Variants in ECRG4 observed in about 807,000 individuals in gnomAD.
ECRG4 encodes augurin.
A neutral mutation model predicts 15.8 loss-of-function variants in ECRG4; 18 were observed. That is an observed-to-expected ratio of 1.14 (90% CI 0.79 to 1.69). The LOEUF is 1.69. Ranked by LOEUF, ECRG4 falls within the 40% of genes most tolerant of loss-of-function variation. The probability of loss-of-function intolerance (pLI) is 0.00; values close to 1 mark genes in which losing one functional copy is unlikely to be tolerated. For missense variants in ECRG4, 200 were observed against 190.9 expected (o/e 1.05, Z -0.28); for synonymous variants, 82 against 73.9 (o/e 1.11, Z -0.56).
Position 106,071,885 on chromosome 2 carries a change from C to G in ECRG4, c.121C>G (p.Arg41Gly), listed in dbSNP as rs761374994. Reference protein sequence around the residue: ...GNKLKLMLQKREAPVPTKTKV... With the variant: ...GNKLKLMLQKGEAPVPTKTKV... ...TAAACTCAAGCTGATGCTTCAAAAA[C>G]GAGAAGGTAAATATACCCCAAATGG... Residue 41 changes from arginine to glycine, a missense_variant, in exon 2 of 4, where the codon CGA becomes GGA. Transcript: ENST00000238044. 5 of 1,612,914 alleles carry G rather than the reference C, an allele frequency of 3.1e-6. No individual in the cohort carries two copies. Among genetic ancestry groups the G allele is most frequent in the Non-Finnish European group, 4.2e-6 (5 of 1,179,158 alleles).
At chr2:106,073,798 G>C (rs1042142780) in intron 2 of ECRG4, 88 bp from the exon 3 acceptor site, 2 of 1,486,738 alleles carry the variant, frequency 1.3e-6, no homozygotes, top group African/African-American at 2.7e-5. Flanking sequence ...ACATGGTGGT[G>C]GGGGATGGGA....
intron 3 of ECRG4, 91 bp downstream of exon 3, chr2:106,074,134 CAGCTTTGCTGTTCATTCCTAGAGTAAG>C: frequency 6.7e-7 from 1 of 1,491,128 alleles, no homozygotes; most frequent in Non-Finnish European, 9.2e-7. Flanking sequence ...GCAGAAAATT[CAGCTTTGCTGTTCATTCCTAGAGTAAG>C]AGCCCCATCA....
rs1676193688 is a variant in ECRG4 at position 106,065,694 on chromosome 2, C to T, written c.-71C>T. 8 of 1,257,394 alleles carry T rather than the reference C, an allele frequency of 6.4e-6. No individual in the cohort carries two copies. Among genetic ancestry groups the T allele is most frequent in the African/African-American group, 3.2e-5 (2 of 63,352 alleles). 77.9% of individuals were successfully genotyped at this position (1,257,394 alleles called of 1,614,324 possible). ...GCCGCGCCTGCCCGCTCGCACCCCT[C>T]TCCCGCGCCCGGTTCTCCCTCGCAG... On this transcript the variant is annotated 5_prime_UTR_variant, in exon 1 of 4. Transcript: ENST00000238044.
chr2:106,076,382 T>C (rs1272287049), intron 3 of ECRG4, among the ~76,000 whole-genome samples: 3 of 151,896 alleles, frequency 2.0e-5, no homozygotes, highest in South Asian at 4.2e-4. Context: ...TGTTTCACCA[T>C]GGCCAAAAAT....
In ECRG4 at chr2:106,078,125, A is replaced by G. The variant is rs1676525337; in HGVS notation, c.*199A>G. On this transcript the variant is annotated 3_prime_UTR_variant, in exon 4 of 4. Coordinates refer to ENST00000238044, the MANE Select transcript of ECRG4 (RefSeq NM_032411.3). ...TCATGGGAATGCCTCTCATTTAAAA[A>G]TAGAAATAAAGCATTTTGTTAAAAA... The G allele has an allele frequency of 2.3e-6, 1 of 441,906 alleles. No homozygotes were observed. Among genetic ancestry groups the G allele is most frequent in the Non-Finnish European group, 3.9e-6 (1 of 256,738 alleles). 27.4% of individuals were successfully genotyped at this position (441,906 alleles called of 1,614,324 possible).
In ECRG4 at chr2:106,065,798, G is replaced by T; in HGVS notation, c.34G>T (p.Ala12Ser). The change falls in exon 1 of 4, where the codon GCC becomes TCC. Residue 12 changes from alanine (A) to serine (S), a missense_variant. By Grantham distance (99) the Ala-to-Ser change is moderately conservative. Transcript: ENST00000238044. ...CTCCCCCGCGCGGCCTGCTGTCCTG[G>T]CCCTGACCGGGCTGGCGCTGCTCCT... ...AASPARPAVLALTGLALLLLL... is the reference protein window; with the variant it reads ...AASPARPAVLSLTGLALLLLL... The T allele has an allele frequency of 6.7e-7, 1 of 1,488,124 alleles. No individual in the cohort carries two copies. The highest frequency in any genetic ancestry group is 8.9e-7 in the Non-Finnish European group (1 of 1,125,434). 92.2% of individuals were successfully genotyped at this position (1,488,124 alleles called of 1,614,324 possible). A position where few individuals can be genotyped will look rare whatever the true frequency, so the allele number is the denominator to read the frequency against.
At chr2:106,063,636 G>A (rs972150229), upstream of ECRG4, among the ~76,000 whole-genome samples, 1 of 152,176 alleles carries the variant, frequency 6.6e-6, no homozygotes, top group African/African-American at 2.4e-5. Context: ...AGGCTGGAGT[G>A]CAGTGGCGCA....
intron 3 of ECRG4, chr2:106,074,292 G>A: frequency 2.1e-6 from 1 of 467,320 alleles, no homozygotes; most frequent in South Asian, 3.5e-5. Context: ...CAAAACAGCG[G>A]GGACCTAGAT....
chr2:106,076,551 C>G (rs1436654414), intron 3 of ECRG4, among the ~76,000 whole-genome samples: 1 of 152,136 alleles, frequency 6.6e-6, no homozygotes, highest in East Asian at 1.9e-4. Flanking sequence ...CACTAGCTGG[C>G]CCAGTACCCA....
At chr2:106,069,171 T>TTTTC (rs1169973008) in intron 1 of ECRG4, among the ~76,000 whole-genome samples, 1 of 79,332 alleles carries the variant, frequency 1.3e-5, no homozygotes, top group African/African-American at 4.0e-5. Flanking sequence ...TTTCTTTCTT[T>TTTTC]TTTCTTTCTT....
intron 1 of ECRG4, 37 bp downstream of exon 1, chr2:106,065,880 C>G: frequency 6.9e-7 from 1 of 1,452,412 alleles, no homozygotes; most frequent in Non-Finnish European, 9.0e-7. Flanking sequence ...GATAGCGGCA[C>G]CAGGGGTTGG....
upstream of ECRG4, chr2:106,063,437 T>C (rs770261762): frequency 6.6e-6 from 1 of 152,064 alleles, no homozygotes; most frequent in Non-Finnish European, 1.5e-5. Context: ...GTTGAACAAA[T>C]AGACAGATGA....
At position 106,065,784 on chromosome 2, in the gene ECRG4, G is replaced by C. The variant is rs1298232252; in HGVS notation, c.20G>C (p.Arg7Pro). The change falls in exon 1 of 4, where the codon CGG (arginine) becomes CCG (proline). Residue 7 changes from arginine (R) to proline (P), a missense_variant. Coordinates refer to ENST00000238044, the MANE Select transcript of ECRG4 (RefSeq NM_032411.3). MAASPA[R>P]PAVLALTGLA... ...GCCGCCATGGCTGCCTCCCCCGCGC[G>C]GCCTGCTGTCCTGGCCCTGACCGGG... 1.3e-6 allele frequency: 2 copies of C among 1,482,956 alleles called. No individual in the cohort carries two copies. Among genetic ancestry groups the C allele is most frequent in the Non-Finnish European group, 8.9e-7 (1 of 1,123,304 alleles). The allele number at this position is 1,482,956 out of a possible 1,614,324, so 91.9% of individuals were successfully genotyped here. A position where few individuals can be genotyped will look rare whatever the true frequency, so the allele number is the denominator to read the frequency against.
chr2:106,065,024 G>T (rs1676172990), upstream of ECRG4, among the ~76,000 whole-genome samples: 1 of 152,104 alleles, frequency 6.6e-6, no homozygotes, highest in Non-Finnish European at 1.5e-5. Flanking sequence ...CAGCTGCAGG[G>T]CACCAGGTTC....
intron 1 of ECRG4, among the ~76,000 whole-genome samples, chr2:106,067,637 GGTTTTT>G (rs149423508): frequency 6.7e-6 from 1 of 149,944 alleles, no homozygotes; most frequent in South Asian, 2.1e-4. Flanking sequence ...GCCCAGCTAA[GGTTTTT>G]GTTTTTGTTT....
chr2:106,065,675 C>T (rs1008302954), upstream of ECRG4: 40 of 1,027,010 alleles, frequency 3.9e-5, no homozygotes, highest in South Asian at 6.4e-5. Context: ...CGCGGCCGCG[C>T]CTGCCCGCTC....
At chr2:106,069,035 C>G (rs529932613) in intron 1 of ECRG4, among the ~76,000 whole-genome samples, 1 of 152,228 alleles carries the variant, frequency 6.6e-6, no homozygotes, top group South Asian at 2.1e-4. Context: ...ATGCCCTAAC[C>G]TATGGCCCAG....
intron 1 of ECRG4, among the ~76,000 whole-genome samples, chr2:106,071,452 CA>C (rs748857859): frequency 3.3e-5 from 5 of 151,536 alleles, no homozygotes; most frequent in Admixed American, 6.6e-5. Context: ...AGCTCACATT[CA>C]GGGGTTTCTG....
At chr2:106,075,659 T>A (rs1030073346) in intron 3 of ECRG4, among the ~76,000 whole-genome samples, 1 of 152,110 alleles carries the variant, frequency 6.6e-6, no homozygotes, top group Non-Finnish European at 1.5e-5. Context: ...GAGGCGGAGT[T>A]TGCTGTGAGC....
Sources: gnomAD v4.1 joint callset for allele counts (sites outside exome capture counted in the v4.1 genomes callset) on GRCh38, gnomAD v4.1.1 for gene constraint, MANE v1.5 for transcripts, NCBI Gene and HGNC (gene_info 2026-07-23, HGNC 2026-07-21) for gene names.